Variants in CCBE1 observed in about 807,000 individuals in gnomAD.
CCBE1 encodes collagen and calcium binding EGF domains 1.
CCBE1 carries 37 observed loss-of-function variants against 50.0 expected under a neutral mutation model. That is an observed-to-expected ratio of 0.74 (90% CI 0.57 to 0.97). The LOEUF is 0.97. CCBE1 is among the 50% of genes least tolerant of loss of function. The pLI is 0.00. For missense variants in CCBE1, 538 were observed against 523.8 expected, an observed-to-expected ratio of 1.03 and a Z score of -0.26; for synonymous variants, 234 against 203.7, an observed-to-expected ratio of 1.15 and a Z score of -1.27.
intron 2 of CCBE1, among the ~76,000 whole-genome samples, chr18:59,575,446 A>C (rs1309020000): frequency 2.0e-5 from 3 of 152,208 alleles, no homozygotes; most frequent in Non-Finnish European, 4.4e-5. Context: ...AACCTACAGG[A>C]ATAATGATGA....
chr18:59,634,231 A>G (rs918892545), intron 2 of CCBE1, among the ~76,000 whole-genome samples: 4 of 152,202 alleles, frequency 2.6e-5, no homozygotes, highest in Admixed American at 2.6e-4. Flanking sequence ...ACACAAAACA[A>G]AACAAAAAAG....
At chr18:59,440,100 A>T (rs150110270) in intron 7 of CCBE1, among the ~76,000 whole-genome samples, 2 of 152,306 alleles carry the variant, frequency 1.3e-5, no homozygotes, top group East Asian at 3.9e-4. Flanking sequence ...CTCCTTTTTG[A>T]ATCAGTGGCC....
chr18:59,532,637 C>T (rs1915096526), intron 2 of CCBE1, among the ~76,000 whole-genome samples: 1 of 152,238 alleles, frequency 6.6e-6, no homozygotes, highest in Admixed American at 6.5e-5. Context: ...ATGTTACCCA[C>T]TCCACAGACT....
At chr18:59,666,859 G>A (rs1017328195) in intron 2 of CCBE1, among the ~76,000 whole-genome samples, 4 of 152,180 alleles carry the variant, frequency 2.6e-5, no homozygotes. Flanking sequence ...CAGCTTTCCA[G>A]GAGCCTGAGG....
rs74977352 is a variant in CCBE1 at position 59,441,115 on chromosome 18, A to G, written c.776-1299T>C. ...AGCTTCCCATGGCAGTGGCCTGACA[A>G]AAGAAGAGAGTACCCATCTCCAGGA... is the stretch of plus-strand genomic sequence containing the variant. On this transcript the variant is annotated intron_variant, in intron 7 of 10. Transcript: ENST00000439986. Among the ~76,000 whole-genome samples, 82 of 152,362 alleles carry G rather than the reference A, an allele frequency of 5.4e-4. No individual in the cohort carries two copies. In the East Asian group the frequency reaches 0.016, roughly 29 times the overall value.
chr18:59,688,105 G>T (rs551951448), intron 2 of CCBE1: 1 of 151,842 alleles, frequency 6.6e-6, no homozygotes, highest in African/African-American at 2.4e-5. Context: ...TTTTTCCCTC[G>T]ATGGGTATTC....
In CCBE1 at chr18:59,610,120, A is replaced by G. The variant is rs939482785; in HGVS notation, c.212+86509T>C. On this transcript the variant is annotated intron_variant, in intron 2 of 10. Transcript: ENST00000439986. ...ACTTTGGGATACATGCTTAAGTTTA[A>G]AAGTAGAGGAAAGTACATGGGAGCA... 2.6e-5 allele frequency among the ~76,000 whole-genome samples: 4 copies of G among 152,206 alleles called. No homozygotes were observed. In the East Asian group the frequency reaches 7.7e-4, roughly 29 times the overall value.
intron 7 of CCBE1, among the ~76,000 whole-genome samples, chr18:59,446,600 C>G (rs1380770330): frequency 6.6e-6 from 1 of 152,176 alleles, no homozygotes; most frequent in African/African-American, 2.4e-5. Flanking sequence ...AGAGAAAACA[C>G]ACAAATCCTC....
At chr18:59,480,663 A>T (rs1002353900) in intron 2 of CCBE1, among the ~76,000 whole-genome samples, 2 of 152,156 alleles carry the variant, frequency 1.3e-5, no homozygotes, top group Non-Finnish European at 2.9e-5. Flanking sequence ...ATTATAACAT[A>T]ATGATTGTTA....
At chr18:59,576,797 T>C (rs1400913099) in intron 2 of CCBE1, among the ~76,000 whole-genome samples, 2 of 152,232 alleles carry the variant, frequency 1.3e-5, no homozygotes, top group African/African-American at 4.8e-5. Flanking sequence ...GTGTCTGGAA[T>C]CCATGCATGT....
In CCBE1 at chr18:59,553,791, G is replaced by A. The variant is rs113868374; in HGVS notation, c.213-73553C>T. Reference sequence around the variant, plus strand: ...GATTCCAAAGTGTTCCTCCAACACTGCAGCCTCTGCCACCACTATGGCGAC... The same window carrying A: ...GATTCCAAAGTGTTCCTCCAACACTACAGCCTCTGCCACCACTATGGCGAC... On this transcript the variant is annotated intron_variant, in intron 2 of 10. Transcript: ENST00000439986. Among the ~76,000 whole-genome samples the A allele has an allele frequency of 3.6e-3, 545 of 152,330 alleles. 3 individuals are homozygous for A. Among genetic ancestry groups the A allele is most frequent in the African/African-American group, 0.012 (509 of 41,588 alleles).
chr18:59,493,748 G>C (rs534860670), intron 2 of CCBE1, among the ~76,000 whole-genome samples: 37 of 152,204 alleles, frequency 2.4e-4, no homozygotes, highest in Middle Eastern at 3.4e-3. Flanking sequence ...TTAGTGGTAT[G>C]GTTTGACTGT....
intron 2 of CCBE1, among the ~76,000 whole-genome samples, chr18:59,650,417 T>A (rs2054111583): frequency 1.3e-5 from 2 of 151,154 alleles, no homozygotes; most frequent in African/African-American, 2.4e-5. Flanking sequence ...TTTAGCCTCC[T>A]GTTCCCTTCA....
chr18:59,559,846 G>A (rs2052709017), intron 2 of CCBE1, among the ~76,000 whole-genome samples: 1 of 152,200 alleles, frequency 6.6e-6, no homozygotes, highest in Admixed American at 6.5e-5. Flanking sequence ...GATATTCTGG[G>A]GGTGGATGTT....
At chr18:59,542,741 C>T (rs1915518990) in intron 2 of CCBE1, among the ~76,000 whole-genome samples, 1 of 152,130 alleles carries the variant, frequency 6.6e-6, no homozygotes, top group South Asian at 2.1e-4. Flanking sequence ...CTCTGAAGTG[C>T]CATTTCCCAC....
chr18:59,551,560 C>T (rs769130082), intron 2 of CCBE1, among the ~76,000 whole-genome samples: 9 of 152,238 alleles, frequency 5.9e-5, no homozygotes, highest in South Asian at 4.1e-4. Context: ...TATAACCTTA[C>T]AGGACCCCCT....
intron 2 of CCBE1, among the ~76,000 whole-genome samples, chr18:59,507,425 C>T (rs1262796995): frequency 6.6e-6 from 1 of 152,212 alleles, no homozygotes; most frequent in Non-Finnish European, 1.5e-5. Context: ...TTTGCCATAG[C>T]CAAGGCAATA....
intron 2 of CCBE1, among the ~76,000 whole-genome samples, chr18:59,658,536 A>G (rs2054236647): frequency 6.9e-6 from 1 of 144,414 alleles, no homozygotes; most frequent in South Asian, 2.2e-4. Context: ...CCACTGCACT[A>G]CAACCTGGGT....
rs12957684 is a variant in CCBE1 at position 59,432,128 on chromosome 18, T to A, written c.*3780A>T. ...ACCACCACGCCTGGCTAATTTTTTT[T>A]TTTATTTATTTTAGTAGAGATGGGG... On this transcript the variant is annotated 3_prime_UTR_variant, in exon 11 of 11. Transcript: ENST00000439986. 0.24 allele frequency: 35,946 copies of A among 151,972 alleles called. 4,348 individuals carry two copies. Among genetic ancestry groups the A allele is most frequent in the Middle Eastern group, 0.4 (119 of 294 alleles). The allele number at this position is 151,972 out of a possible 1,614,324, so 9.4% of individuals were successfully genotyped here.
Sources: allele counts gnomAD v4.1 joint callset (sites outside exome capture counted in the v4.1 genomes callset), GRCh38; gene constraint gnomAD v4.1.1; transcripts MANE v1.5; gene names NCBI Gene and HGNC (gene_info 2026-07-23, HGNC 2026-07-21).